The following ATP2C2 variants were observed in gnomAD, a reference collection of about 807,000 sequenced individuals.
The protein encoded by ATP2C2 is ATPase secretory pathway Ca2+ transporting 2.
ATP2C2 carries 171 observed loss-of-function variants against 110.8 expected under a neutral mutation model. That is an observed-to-expected ratio of 1.54 (90% CI 1.36 to 1.75). The LOEUF is 1.75. Ranked by LOEUF, ATP2C2 falls within the 40% of genes most tolerant of loss-of-function variation. The probability of loss-of-function intolerance (pLI) is 0.00; values close to 1 mark genes in which losing one functional copy is unlikely to be tolerated. For synonymous variants in ATP2C2, 804 were observed against 508.4 expected (o/e 1.58, Z -7.82); for missense variants, 1,963 against 1,235.0 (o/e 1.59, Z -8.84).
intron 11 of ATP2C2, among the ~76,000 whole-genome samples, chr16:84,428,829 G>A (rs1477796282): frequency 6.6e-6 from 1 of 152,196 alleles, no homozygotes; most frequent in Non-Finnish European, 1.5e-5. Context: ...ATAGTCTTTA[G>A]GTTTTAGCTT....
intron 24 of ATP2C2, 168 bp downstream of exon 24, chr16:84,460,969 C>G (rs1164321040): frequency 1.0e-6 from 1 of 998,050 alleles, no homozygotes; most frequent in African/African-American, 1.6e-5. Flanking sequence ...GGCAAAGGGA[C>G]TGGGTGACCC....
intron 1 of ATP2C2, among the ~76,000 whole-genome samples, chr16:84,391,113 CAA>C (rs567509863): frequency 1.6e-4 from 12 of 73,286 alleles, no homozygotes; most frequent in South Asian, 6.0e-4. Flanking sequence ...GACTCAGACT[CAA>C]AAAAAAAAAA....
At chr16:84,445,612 T>C (rs1013992511) in intron 15 of ATP2C2, among the ~76,000 whole-genome samples, 2 of 152,164 alleles carry the variant, frequency 1.3e-5, no homozygotes, top group African/African-American at 4.8e-5. Flanking sequence ...CATTCAGAGG[T>C]TCCGAGGTTA....
chr16:84,402,389 C>T (rs375646490), intron 2 of ATP2C2, among the ~76,000 whole-genome samples: 15 of 152,126 alleles, frequency 9.9e-5, no homozygotes, highest in African/African-American at 2.2e-4. Flanking sequence ...GGGTATCCTA[C>T]GGGAAAAGCT....
At chr16:84,437,541 G>A (rs1908852871) in intron 11 of ATP2C2, among the ~76,000 whole-genome samples, 1 of 151,918 alleles carries the variant, frequency 6.6e-6, no homozygotes, top group Non-Finnish European at 1.5e-5. Context: ...TTTTGAGATG[G>A]AGTCTCACTC....
chr16:84,430,402 ACAC>A (rs1908164441), intron 11 of ATP2C2, among the ~76,000 whole-genome samples: 4 of 61,772 alleles, frequency 6.5e-5, no homozygotes, highest in Admixed American at 1.6e-4. Context: ...GCACTTTTGG[ACAC>A]TGAGGCAGAC....
chr16:84,395,640 G>A (rs767244167), intron 1 of ATP2C2, among the ~76,000 whole-genome samples: 8 of 151,720 alleles, frequency 5.3e-5, no homozygotes, highest in Non-Finnish European at 1.2e-4. Flanking sequence ...CTCCAGAGTC[G>A]CTGAGATTAC....
intron 7 of ATP2C2, 56 bp downstream of exon 7, chr16:84,415,647 A>T: frequency 7.0e-7 from 1 of 1,429,538 alleles, no homozygotes; most frequent in Admixed American, 1.9e-5. Context: ...GTCAAGGAGC[A>T]GACACTTAGC....
chr16:84,371,660 G>C (rs1212110386), intron 1 of ATP2C2, among the ~76,000 whole-genome samples: 1 of 152,226 alleles, frequency 6.6e-6, no homozygotes, highest in Non-Finnish European at 1.5e-5. Flanking sequence ...GGGGGAAGCT[G>C]TCTCTGCCCC....
chr16:84,395,989 C>T (rs941677394), intron 1 of ATP2C2, among the ~76,000 whole-genome samples: 3 of 152,124 alleles, frequency 2.0e-5, no homozygotes, highest in African/African-American at 7.2e-5. Flanking sequence ...AACTCCCCAG[C>T]CCGGTTACCT....
intron 7 of ATP2C2, 140 bp from the exon 8 acceptor site, chr16:84,422,250 C>A: frequency 2.0e-6 from 2 of 986,798 alleles, no homozygotes; most frequent in East Asian, 2.5e-5. Flanking sequence ...CCTCAGAGGC[C>A]GTCGTTGTGA....
rs541105151 is a variant in ATP2C2 at position 84,408,257 on chromosome 16, G to T, written c.328-148G>T. On this transcript the variant is annotated intron_variant, in intron 3 of 26. Coordinates refer to ENST00000262429, the MANE Select transcript of ATP2C2 (RefSeq NM_014861.4). Reference sequence around the variant, plus strand: ...CAGAGGAGGACCACTGCATGGGGGTGGTCTCCCCAGCCCTCGGTCACCATG... The same window carrying T: ...CAGAGGAGGACCACTGCATGGGGGTTGTCTCCCCAGCCCTCGGTCACCATG... The T allele has an allele frequency of 2.4e-4, 168 of 687,832 alleles. 3 individuals are homozygous for T. The Admixed American group carries it at 4.0e-3, about 16-fold the overall frequency. The allele number at this position is 687,832 out of a possible 1,614,324, so 42.6% of individuals were successfully genotyped here. A position where few individuals can be genotyped will look rare whatever the true frequency, so the allele number is the denominator to read the frequency against.
chr16:84,389,193 G>A (rs1008888839), intron 1 of ATP2C2, among the ~76,000 whole-genome samples: 1 of 152,168 alleles, frequency 6.6e-6, no homozygotes, highest in Admixed American at 6.5e-5. Context: ...ATTCCCACAT[G>A]AGCCGTTTTC....
In ATP2C2 at chr16:84,453,431, C is replaced by T. The variant is rs373018596; in HGVS notation, c.1980+60C>T. 4.4e-4 allele frequency: 698 copies of T among 1,599,896 alleles called. 4 individuals are homozygous for T. In the African/African-American group the frequency reaches 8.5e-3, roughly 19 times the overall value. On this transcript the variant is annotated intron_variant, in intron 20 of 26. Coordinates refer to ENST00000262429, the MANE Select transcript of ATP2C2 (RefSeq NM_014861.4). Reference sequence around the variant, plus strand: ...TGGGGCCGGGCCAGAGACACTGTGGCTCGAGGAGCTCATGCGTCCGTCGGG... The same window carrying T: ...TGGGGCCGGGCCAGAGACACTGTGGTTCGAGGAGCTCATGCGTCCGTCGGG...
chr16:84,371,826 AG>A (rs1174672941), intron 1 of ATP2C2, among the ~76,000 whole-genome samples: 7 of 152,270 alleles, frequency 4.6e-5, no homozygotes, highest in African/African-American at 1.7e-4. Flanking sequence ...AGATTCACGG[AG>A]GGGGCTCCCT....
intron 24 of ATP2C2, chr16:84,461,255 A>C: frequency 7.6e-6 from 2 of 264,090 alleles, no homozygotes; most frequent in Non-Finnish European, 1.4e-5. Context: ...GTGGGAAATG[A>C]GGCAGGTGAC....
chr16:84,398,204 C>T (rs1433110302), intron 1 of ATP2C2, among the ~76,000 whole-genome samples: 1 of 151,992 alleles, frequency 6.6e-6, no homozygotes, highest in Non-Finnish European at 1.5e-5. Context: ...GAGTTTGAGA[C>T]CAACCTGGCC....
chr16:84,391,729 A>G (rs1481069172), intron 1 of ATP2C2, among the ~76,000 whole-genome samples: 1 of 152,180 alleles, frequency 6.6e-6, no homozygotes, highest in Non-Finnish European at 1.5e-5. Flanking sequence ...TCAGAGTTTT[A>G]GCTTCCAGAA....
At chr16:84,442,838 T>C (rs1909397465) in intron 15 of ATP2C2, among the ~76,000 whole-genome samples, 1 of 152,058 alleles carries the variant, frequency 6.6e-6, no homozygotes, top group Non-Finnish European at 1.5e-5. Flanking sequence ...TCCAAAAGAA[T>C]CCTATGAGCT....
Sources: allele counts gnomAD v4.1 joint callset (sites outside exome capture counted in the v4.1 genomes callset), GRCh38; gene constraint gnomAD v4.1.1; transcripts MANE v1.5; gene names NCBI Gene and HGNC (gene_info 2026-07-23, HGNC 2026-07-21).